The following GABPB2 variants were observed in gnomAD, a reference collection of about 807,000 sequenced individuals.
GABPB2 encodes the protein GA-binding protein subunit beta-2.
A neutral mutation model predicts 39.1 loss-of-function variants in GABPB2; 23 were observed. The ratio of observed to expected loss-of-function variants is 0.59; its 90% CI spans 0.42 to 0.83. The LOEUF (loss-of-function observed/expected upper bound fraction) is 0.83. Among genes scored for constraint, GABPB2 ranks in the 40% least tolerant of loss-of-function variants. GABPB2 has a pLI of 0.00. For missense variants in GABPB2, 467 were observed against 541.1 expected, an observed-to-expected ratio of 0.86 and a Z score of 1.36; for synonymous variants, 184 against 199.3, an observed-to-expected ratio of 0.92 and a Z score of 0.65.
chr1:151,075,598 A>G (rs1571877885), intron 1 of GABPB2, among the ~76,000 whole-genome samples: 2 of 147,260 alleles, frequency 1.4e-5, no homozygotes, highest in South Asian at 4.4e-4. Context: ...AAATTTAGCC[A>G]GGTGGGAGAC....
At chr1:151,096,029 ACT>A (rs1351396976) in intron 4 of GABPB2, among the ~76,000 whole-genome samples, 1 of 72,466 alleles carries the variant, frequency 1.4e-5, no homozygotes, top group African/African-American at 4.9e-5. Context: ...CAAGAGTGAG[ACT>A]CTCAAAAAAA....
chr1:151,109,325 AAT>A (rs368308382), intron 7 of GABPB2, among the ~76,000 whole-genome samples: 7 of 37,232 alleles, frequency 1.9e-4, no homozygotes, highest in South Asian at 8.3e-4. Context: ...TATACACACA[AAT>A]ATATATATAT....
chr1:151,117,884 T>G, intron 8 of GABPB2, 73 bp from the exon 9 acceptor site: 2 of 1,435,314 alleles, frequency 1.4e-6, no homozygotes, highest in Non-Finnish European at 9.6e-7. Context: ...GCTCCTGGCC[T>G]GTCTTTTTGT....
chr1:151,076,673 A>C (rs965402990), intron 1 of GABPB2, among the ~76,000 whole-genome samples: 1 of 151,586 alleles, frequency 6.6e-6, no homozygotes, highest in South Asian at 2.1e-4. Flanking sequence ...CAGGTGATCC[A>C]CCCGCCTCAG....
rs1680032664 is a variant in GABPB2, at chr1:151,107,152, T to C, written c.852T>C (p.Asn284=). 2.5e-6 allele frequency: 4 copies of C among 1,613,276 alleles called. No homozygotes were observed. The highest frequency in any genetic ancestry group is 2.2e-5 in the East Asian group (1 of 44,822). ...TGACTGATGGAGTCCCTCTGGGTAA[T>C]ATCCAAACTTCAATCCCTACTGGAG... The part of the protein sequence containing the change: ...TIVTDGVPLG[N]IQTSIPTGGI... The change falls in exon 7 of 9, where the codon AAT becomes AAC. Residue 284 remains asparagine, a synonymous_variant. Coordinates refer to ENST00000368918, the MANE Select transcript of GABPB2 (RefSeq NM_144618.3).
At chr1:151,115,572 T>C (rs1179993508) in intron 7 of GABPB2, among the ~76,000 whole-genome samples, 1 of 151,610 alleles carries the variant, frequency 6.6e-6, no homozygotes, top group Non-Finnish European at 1.5e-5. Flanking sequence ...GGCTGATTTT[T>C]GTATTTTTTG....
intron 1 of GABPB2, among the ~76,000 whole-genome samples, chr1:151,077,512 A>ACGCC (rs1677276466): frequency 6.6e-6 from 1 of 151,602 alleles, no homozygotes; most frequent in South Asian, 2.1e-4. Context: ...ATGCAACACC[A>ACGCC]CGCCCAGCTA....
chr1:151,098,679 A>G (rs1225225977), intron 5 of GABPB2, among the ~76,000 whole-genome samples: 2 of 152,156 alleles, frequency 1.3e-5, no homozygotes, highest in Non-Finnish European at 2.9e-5. Flanking sequence ...TACTGATATA[A>G]AAGAGGTAAA....
At chr1:151,099,320 C>T (rs1679342680) in intron 5 of GABPB2, among the ~76,000 whole-genome samples, 1 of 151,954 alleles carries the variant, frequency 6.6e-6, no homozygotes, top group Admixed American at 6.6e-5. Context: ...GCCTCAGCCT[C>T]CTGAGTAGCT....
At chr1:151,073,117 C>T (rs1279143105) in intron 1 of GABPB2, 2 of 152,094 alleles carry the variant, frequency 1.3e-5, no homozygotes, top group African/African-American at 2.4e-5. Flanking sequence ...TGGGCTTAAG[C>T]TATCCTCCCG....
At chr1:151,114,233 G>A (rs919409740) in intron 7 of GABPB2, among the ~76,000 whole-genome samples, 8 of 151,872 alleles carry the variant, frequency 5.3e-5, no homozygotes, top group Non-Finnish European at 1.0e-4. Flanking sequence ...TTGTGTGCCT[G>A]TAGTCCCAGC....
At chr1:151,081,138 G>A (rs934160410) in intron 1 of GABPB2, among the ~76,000 whole-genome samples, 3 of 151,118 alleles carry the variant, frequency 2.0e-5, no homozygotes, top group Non-Finnish European at 4.4e-5. Context: ...CTCCCAAAGT[G>A]CTGGGATTAC....
rs765487225 is a variant in GABPB2, at chr1:151,117,960, G to A, written c.1051G>A (p.Gly351Ser). Residue 351 changes from glycine to serine, a missense_variant, in exon 9 of 9, where the codon GGC becomes AGC. Transcript: ENST00000368918. ...GTGACATGGCTTACTTTTACAGGAAGGCAATGAAAGAGAGCTACTACAGCA... is the reference window on the plus strand; with the variant it reads ...GTGACATGGCTTACTTTTACAGGAAAGCAATGAAAGAGAGCTACTACAGCA... ...KTNSVEESKE[G>S]NERELLQQQL... 6 of 1,607,152 alleles carry A rather than the reference G, an allele frequency of 3.7e-6. No homozygotes were observed. The African/African-American group carries it at 4.0e-5, about 11-fold the overall frequency.
intron 1 of GABPB2, among the ~76,000 whole-genome samples, chr1:151,080,229 A>AC (rs1384011836): frequency 6.1e-4 from 86 of 141,610 alleles, no homozygotes; most frequent in African/African-American, 2.5e-3. Flanking sequence ...AAAAAAAAAA[A>AC]AAAAAAAAAA....
At chr1:151,087,080 C>CCTGA (rs1678267574) in intron 1 of GABPB2, among the ~76,000 whole-genome samples, 1 of 151,964 alleles carries the variant, frequency 6.6e-6, no homozygotes, top group Non-Finnish European at 1.5e-5. Context: ...GTCTCAAACT[C>CCTGA]CTGACCTCAG....
intron 1 of GABPB2, among the ~76,000 whole-genome samples, chr1:151,077,326 C>T (rs1424525711): frequency 6.8e-6 from 1 of 147,124 alleles, no homozygotes; most frequent in African/African-American, 2.5e-5. Flanking sequence ...CCTGGGACCT[C>T]AGGAGGGGAG....
At chr1:151,083,029 C>T (rs1395806559) in intron 1 of GABPB2, among the ~76,000 whole-genome samples, 1 of 151,444 alleles carries the variant, frequency 6.6e-6, no homozygotes, top group Non-Finnish European at 1.5e-5. Flanking sequence ...TTTGAAAACA[C>T]ATCAGTGAAT....
intron 3 of GABPB2, 101 bp downstream of exon 3, chr1:151,090,674 GT>G: frequency 8.5e-7 from 1 of 1,173,666 alleles, no homozygotes; most frequent in Non-Finnish European, 1.2e-6. Flanking sequence ...GAATGATTAA[GT>G]TTAGGACAGT....
chr1:151,072,818 G>T (rs587627550), intron 1 of GABPB2, among the ~76,000 whole-genome samples: 6 of 152,288 alleles, frequency 3.9e-5, no homozygotes, highest in African/African-American at 1.4e-4. Flanking sequence ...TTGTACTCCA[G>T]CTTGGGCAAC....
Sources: gnomAD v4.1 joint callset for allele counts (sites outside exome capture counted in the v4.1 genomes callset) on GRCh38, gnomAD v4.1.1 for gene constraint, MANE v1.5 for transcripts, NCBI Gene and HGNC (gene_info 2026-07-23, HGNC 2026-07-21) for gene names.